The following ANKFN1 variants were observed in gnomAD, a reference collection of about 807,000 sequenced individuals.
ANKFN1 encodes the protein ankyrin repeat and fibronectin type-III domain-containing protein 1.
In ANKFN1, 74 loss-of-function variants were observed where a neutral mutation model predicts 108.7. The observed-to-expected ratio is 0.68, with a 90% confidence interval of 0.56 to 0.83. ANKFN1 has a LOEUF of 0.83. Among genes scored for constraint, ANKFN1 ranks in the 40% least tolerant of loss-of-function variants. The probability of loss-of-function intolerance (pLI) is 0.00; values close to 1 mark genes in which losing one functional copy is unlikely to be tolerated. For synonymous variants in ANKFN1, 547 were observed against 516.2 expected, an observed-to-expected ratio of 1.06 and a Z score of -0.81; for missense variants, 1,505 against 1,382.3, an observed-to-expected ratio of 1.09 and a Z score of -1.41.
In ANKFN1 at chr17:56,354,011, T is replaced by G. The variant is rs1400989254; in HGVS notation, c.566T>G (p.Ile189Ser). 2.5e-6 allele frequency: 4 copies of G among 1,613,896 alleles called. No individual in the cohort carries two copies. The highest frequency in any genetic ancestry group is 2.5e-6 in the Non-Finnish European group (3 of 1,179,974). Residue 189 changes from isoleucine to serine, a missense_variant, in exon 6 of 21, where the codon ATT becomes AGT. By Grantham distance (142) the Ile-to-Ser change is moderately radical (BLOSUM62 -2). Transcript: ENST00000682825. The part of the protein sequence containing the change: ...IMTNNVPIAR[I>S]LLRTGARESP... ...ACCAACAATGTGCCCATTGCAAGGA[T>G]TCTTCTGAGGACAGGGGCCCGAGAA...
intron 19 of ANKFN1, among the ~76,000 whole-genome samples, chr17:56,496,550 A>G (rs2051206595): frequency 6.6e-6 from 1 of 151,958 alleles, no homozygotes; most frequent in South Asian, 2.1e-4. Context: ...GCATTCCTTG[A>G]CTTCTGGCCA....
chr17:56,177,032 G>A (rs1169577093), intron 1 of ANKFN1, among the ~76,000 whole-genome samples: 1 of 152,190 alleles, frequency 6.6e-6, no homozygotes, highest in African/African-American at 2.4e-5. Flanking sequence ...AGGAACTCAT[G>A]CCAACTTTGC....
At chr17:56,097,515 C>A (rs1322308129) in intron 4 of ANKFN1, among the ~76,000 whole-genome samples, 1 of 152,198 alleles carries the variant, frequency 6.6e-6, no homozygotes, top group Non-Finnish European at 1.5e-5. Context: ...AACTCCAGGC[C>A]CACTGAAAGT....
At chr17:56,477,460 CTTTTTTT>C (rs373804237) in intron 15 of ANKFN1, 21 bp from the exon 16 acceptor site, 3 of 1,347,578 alleles carry the variant, frequency 2.2e-6, no homozygotes, top group African/African-American at 1.6e-5. Flanking sequence ...TTCTTGTTTT[CTTTTTTT>C]TTTTTTTTTT....
chr17:56,064,008 G>T (rs538229281), intron 4 of ANKFN1, among the ~76,000 whole-genome samples: 3 of 152,260 alleles, frequency 2.0e-5, no homozygotes, highest in Admixed American at 1.3e-4. Flanking sequence ...CTTCTGTAGG[G>T]CTGCTGCAGT....
At chr17:56,309,484 G>A (rs2044943824) in intron 3 of ANKFN1, among the ~76,000 whole-genome samples, 1 of 151,804 alleles carries the variant, frequency 6.6e-6, no homozygotes, top group Non-Finnish European at 1.5e-5. Context: ...TCTTTTAAAA[G>A]ACATTTTCTC....
At chr17:56,351,185 T>C (rs2046238507) in intron 5 of ANKFN1, among the ~76,000 whole-genome samples, 1 of 152,044 alleles carries the variant, frequency 6.6e-6, no homozygotes, top group Non-Finnish European at 1.5e-5. Flanking sequence ...TGTTTCTTTT[T>C]CTTCTCTCTT....
intron 4 of ANKFN1, among the ~76,000 whole-genome samples, chr17:56,097,193 A>G (rs1372152701): frequency 1.3e-5 from 2 of 152,166 alleles, no homozygotes; most frequent in Admixed American, 6.5e-5. Context: ...ATGACATGCA[A>G]TTTACCTATA....
In ANKFN1 at chr17:56,511,101, C is replaced by T. The variant is rs1414489871; in HGVS notation, c.3273C>T (p.Tyr1091=). 4 of 1,536,034 alleles carry T rather than the reference C, an allele frequency of 2.6e-6. No homozygotes were observed. Among genetic ancestry groups the T allele is most frequent in the Non-Finnish European group, 3.5e-6 (4 of 1,146,854 alleles). Residue 1091 remains tyrosine, a synonymous_variant, in exon 21 of 21, where the codon TAC becomes TAT. Transcript: ENST00000682825. The part of the protein sequence containing the change: ...QDARPSVRRL[Y]VEPYAAAVVA... ...CGAGGCCTTCCGTCCGCCGCCTCTA[C>T]GTGGAGCCCTACGCAGCGGCCGTGG...
rs762245320 is a variant in ANKFN1 at position 56,440,309 on chromosome 17, C to G, written c.911-18C>G. The stretch of plus-strand genomic sequence containing the variant: ...TTCTCCCTCTTTCTCTCTCTCCCTG[C>G]CCCCCTACTCCCTCCAGTGGAATGG... On this transcript the variant is annotated intron_variant, in intron 8 of 20. Transcript: ENST00000682825. 2 of 1,520,756 alleles carry G rather than the reference C, an allele frequency of 1.3e-6. No individual in the cohort carries two copies. The highest frequency in any genetic ancestry group is 1.7e-5 in the Admixed American group (1 of 58,904). 94.2% of individuals were successfully genotyped at this position (1,520,756 alleles called of 1,614,324 possible). A position where few individuals can be genotyped will look rare whatever the true frequency, so the allele number is the denominator to read the frequency against.
chr17:56,147,185 G>A (rs1337729681), intron 4 of ANKFN1, among the ~76,000 whole-genome samples: 1 of 152,104 alleles, frequency 6.6e-6, no homozygotes. Flanking sequence ...TGGTCAAGCC[G>A]TTCAACAAGT....
intron 11 of ANKFN1, among the ~76,000 whole-genome samples, chr17:56,451,479 A>G (rs1336780359): frequency 6.6e-6 from 1 of 152,234 alleles, no homozygotes; most frequent in Non-Finnish European, 1.5e-5. Context: ...ATTTTTATTT[A>G]AAATATTCAA....
chr17:56,243,419 T>C (rs1486328952), intron 3 of ANKFN1, among the ~76,000 whole-genome samples: 6 of 152,148 alleles, frequency 3.9e-5, no homozygotes, highest in African/African-American at 1.4e-4. Flanking sequence ...TTTGGCTCAG[T>C]TGCTGCCTGT....
intron 4 of ANKFN1, among the ~76,000 whole-genome samples, chr17:56,334,829 G>A (rs902028196): frequency 1.3e-5 from 2 of 152,072 alleles, no homozygotes; most frequent in African/African-American, 4.8e-5. Flanking sequence ...GTATTGCCTA[G>A]GTTTTCTTCT....
intron 1 of ANKFN1, among the ~76,000 whole-genome samples, chr17:56,170,070 T>A (rs889161138): frequency 1.3e-5 from 2 of 152,164 alleles, no homozygotes; most frequent in African/African-American, 4.8e-5. Flanking sequence ...GTCCTGAAAG[T>A]GTCCCTTGTT....
At position 56,466,481 on chromosome 17, in the gene ANKFN1, G is replaced by C; in HGVS notation, c.1683G>C (p.Trp561Cys). 6.2e-7 allele frequency: 1 copy of C among 1,614,114 alleles called. No homozygotes were observed. Among genetic ancestry groups the C allele is most frequent in the Non-Finnish European group, 8.5e-7 (1 of 1,180,024 alleles). ...TTTATTCATTTTTTAATGGCAAATGGATGCAGATCTCAAAGCTGCAAAGCC... is the reference window on the plus strand; with the variant it reads ...TTTATTCATTTTTTAATGGCAAATGCATGCAGATCTCAAAGCTGCAAAGCC... ...EMLYSFFNGK[W>C]MQISKLQSQR... is the part of the protein sequence containing the mutation. The change falls in exon 15 of 21, where the codon TGG (tryptophan) becomes TGC (cysteine). Residue 561 changes from tryptophan (W) to cysteine (C), a missense_variant. Physicochemically the swap from Trp to Cys is radical, Grantham distance 215. Transcript: ENST00000682825.
At chr17:56,331,645 A>T (rs760414774) in intron 4 of ANKFN1, among the ~76,000 whole-genome samples, 4 of 152,210 alleles carry the variant, frequency 2.6e-5, no homozygotes, top group African/African-American at 7.2e-5. Context: ...CCAGAGTTCA[A>T]ATCCTGCTGC....
chr17:56,227,066 A>C (rs1388777238), intron 2 of ANKFN1, among the ~76,000 whole-genome samples: 1 of 152,090 alleles, frequency 6.6e-6, no homozygotes, highest in East Asian at 1.9e-4. Flanking sequence ...AGGTCTGAGG[A>C]CACCATGATT....
At chr17:56,195,884 A>G (rs1454667571) in intron 1 of ANKFN1, among the ~76,000 whole-genome samples, 4 of 152,216 alleles carry the variant, frequency 2.6e-5, no homozygotes, top group Non-Finnish European at 4.4e-5. Flanking sequence ...GGCATAGTAT[A>G]TATATATGCC....
Sources: gnomAD v4.1 joint callset for allele counts (sites outside exome capture counted in the v4.1 genomes callset) on GRCh38, gnomAD v4.1.1 for gene constraint, MANE v1.5 for transcripts, NCBI Gene and HGNC (gene_info 2026-07-23, HGNC 2026-07-21) for gene names.